NUP155: variants seen among roughly 807,000 people sequenced by gnomAD.
NUP155 encodes nuclear pore complex protein Nup155.
In NUP155, 71 loss-of-function variants were observed where a neutral mutation model predicts 180.4. The observed-to-expected ratio is 0.39, with a 90% CI of 0.33 to 0.48. The LOEUF is 0.48. NUP155 is among the 20% of genes least tolerant of loss of function. NUP155 has a pLI of 0.91. For missense variants in NUP155, 1,553 were observed against 1,648.9 expected (o/e 0.94, Z 1.01); for synonymous variants, 582 against 559.5 (o/e 1.04, Z -0.57).
chr5:37,303,502 CT>C, intron 27 of NUP155, 88 bp from the exon 28 acceptor site: 1 of 1,116,832 alleles, frequency 9.0e-7, no homozygotes, highest in Non-Finnish European at 1.3e-6. Flanking sequence ...TTTAAGTCAA[CT>C]ACAACTTTGC....
intron 4 of NUP155, among the ~76,000 whole-genome samples, chr5:37,356,901 A>C (rs921877381): frequency 7.2e-5 from 11 of 152,200 alleles, no homozygotes; most frequent in Admixed American, 3.3e-4. Flanking sequence ...TGAGGTCAAC[A>C]GTTCAAAACC....
At chr5:37,367,047 CT>C (rs113667703) in intron 1 of NUP155, among the ~76,000 whole-genome samples, 7,548 of 144,082 alleles carry the variant, frequency 0.052, 660 homozygotes, top group African/African-American at 0.18. Flanking sequence ...CTCTTTTTCT[CT>C]TTTTTTTTTT....
chr5:37,295,467 AC>A lies in NUP155; in HGVS notation c.3794-1003del, dbSNP rs1376763220. On this transcript the variant is annotated intron_variant, in intron 32 of 34. Coordinates refer to ENST00000231498, the MANE Select transcript of NUP155 (RefSeq NM_153485.3). The stretch of plus-strand genomic sequence containing the variant: ...AGATTGCAGCCTCTGCCCGGCCGCC[AC>A]CCTGTCTGGGAAGTGAGGAGCGTCT... Among the ~76,000 whole-genome samples, 3 of 150,838 alleles carry A rather than the reference AC, an allele frequency of 2.0e-5. No homozygotes were observed. The East Asian group carries it at 5.9e-4, about 30-fold the overall frequency.
chr5:37,314,709 G>A (rs1182246371), intron 21 of NUP155, among the ~76,000 whole-genome samples: 1 of 152,080 alleles, frequency 6.6e-6, no homozygotes, highest in Admixed American at 6.6e-5. Context: ...GGGGGATGGC[G>A]GGTGCCTGTA....
At position 37,292,857 on chromosome 5, in the gene NUP155, C is replaced by T. The variant is rs756342737; in HGVS notation, c.4037+22G>A. The T allele has an allele frequency of 1.0e-5, 15 of 1,474,160 alleles. No individual in the cohort carries two copies. The South Asian group carries it at 1.7e-4, about 17-fold the overall frequency. The allele number at this position is 1,474,160 out of a possible 1,614,324, so 91.3% of individuals were successfully genotyped here. On this transcript the variant is annotated intron_variant, in intron 34 of 34. Transcript: ENST00000231498. ...GAAGCATTTAAAAGCTTTTGCTGAT[C>T]CAATATTTAATTCATAAGTACCTTT...
At chr5:37,355,968 T>G (rs1475526654) in intron 4 of NUP155, among the ~76,000 whole-genome samples, 14 of 151,434 alleles carry the variant, frequency 9.2e-5, no homozygotes, top group Admixed American at 9.2e-4. Context: ...GTGGCTCACG[T>G]CTGTAATCCC....
intron 12 of NUP155, among the ~76,000 whole-genome samples, chr5:37,334,903 T>A (rs899246730): frequency 2.6e-5 from 4 of 152,136 alleles, no homozygotes; most frequent in African/African-American, 4.8e-5. Flanking sequence ...CTCACGCCTA[T>A]AATCCCAGCA....
At chr5:37,310,030 A>C (rs996370115) in intron 23 of NUP155, among the ~76,000 whole-genome samples, 1 of 151,824 alleles carries the variant, frequency 6.6e-6, no homozygotes, top group Non-Finnish European at 1.5e-5. Flanking sequence ...AAAAGAGAGA[A>C]TATTCTTTAT....
At chr5:37,350,064 T>G (rs542414694) in intron 7 of NUP155, 96 bp downstream of exon 7, 1 of 866,068 alleles carries the variant, frequency 1.2e-6, no homozygotes, top group East Asian at 2.5e-5. Context: ...CATAACAAAT[T>G]GTTTCAATTA....
chr5:37,344,038 C>G (rs1745916899), intron 9 of NUP155, among the ~76,000 whole-genome samples: 1 of 152,064 alleles, frequency 6.6e-6, no homozygotes, highest in Non-Finnish European at 1.5e-5. Context: ...CTATGTAATA[C>G]TGGCTAAAAG....
intron 1 of NUP155, among the ~76,000 whole-genome samples, chr5:37,367,047 CTT>C (rs113667703): frequency 4.9e-5 from 7 of 144,218 alleles, no homozygotes; most frequent in Non-Finnish European, 6.1e-5. Flanking sequence ...CTCTTTTTCT[CTT>C]TTTTTTTTTT....
Position 37,316,937 on chromosome 5 carries a change from C to T in NUP155, c.2305+1051G>A, listed in dbSNP as rs554530716. ...CAGCACTTTGGGAGGCTGAGGTGGG[C>T]GGATCATGAGGTCAGGAGATTGAGA... On this transcript the variant is annotated intron_variant, in intron 21 of 34. Coordinates refer to ENST00000231498, the MANE Select transcript of NUP155 (RefSeq NM_153485.3). Among the ~76,000 whole-genome samples, 46 of 149,598 alleles carry T rather than the reference C, an allele frequency of 3.1e-4. No homozygotes were observed. In the East Asian group the frequency reaches 7.7e-3, roughly 25 times the overall value.
chr5:37,341,695 C>T (rs573664559), intron 10 of NUP155, among the ~76,000 whole-genome samples: 17 of 152,168 alleles, frequency 1.1e-4, no homozygotes, highest in Admixed American at 2.6e-4. Flanking sequence ...TGCCTGCCAC[C>T]ATGTCTGGCT....
At chr5:37,294,245 A>G (rs1742396064) in intron 33 of NUP155, 84 bp downstream of exon 33, 3 of 948,688 alleles carry the variant, frequency 3.2e-6, no homozygotes, top group African/African-American at 1.6e-5. Flanking sequence ...GGATACAAAA[A>G]TGCAATCAAA....
intron 25 of NUP155, 149 bp from the exon 26 acceptor site, chr5:37,305,359 A>G: frequency 1.5e-6 from 1 of 681,926 alleles, no homozygotes; most frequent in East Asian, 2.7e-5. Flanking sequence ...AGCCAGGGCA[A>G]CAGAGCGGGA....
chr5:37,291,542 C>T lies in NUP155; in HGVS notation c.*358G>A, dbSNP rs1031460239. 4.4e-5 allele frequency: 9 copies of T among 204,960 alleles called. No homozygotes were observed. In the East Asian group the frequency reaches 1.0e-3, roughly 23 times the overall value. The allele number at this position is 204,960 out of a possible 1,614,324, so 12.7% of individuals were successfully genotyped here. A position where few individuals can be genotyped will look rare whatever the true frequency, so the allele number is the denominator to read the frequency against. On this transcript the variant is annotated 3_prime_UTR_variant, in exon 35 of 35. Transcript: ENST00000231498. ...ACAGGTGTAAGTCACTGTGCCTGGC[C>T]GCCTAGTGGAGTTTTAATGCCAATA...
At position 37,304,732 on chromosome 5, in the gene NUP155, G is replaced by C; in HGVS notation, c.3162+7C>G. On this transcript the variant is annotated splice_region_variant and intron_variant, in intron 27 of 34. Transcript: ENST00000231498. Reference sequence around the variant, plus strand: ...AATTAACACAACTGCAATAAAAAAAGATTTACCTGTAGCAGCTTATCTGCA... The same window carrying C: ...AATTAACACAACTGCAATAAAAAAACATTTACCTGTAGCAGCTTATCTGCA... The C allele has an allele frequency of 1.3e-6, 2 of 1,567,730 alleles. No homozygotes were observed. The highest frequency in any genetic ancestry group is 1.8e-6 in the Non-Finnish European group (2 of 1,138,300).
At position 37,291,689 on chromosome 5, in the gene NUP155, A is replaced by G. The variant is rs1157326867; in HGVS notation, c.*211T>C. 6.6e-6 allele frequency: 3 copies of G among 451,832 alleles called. No homozygotes were observed. The highest frequency in any genetic ancestry group is 4.0e-5 in the African/African-American group (2 of 49,746). 28.0% of individuals were successfully genotyped at this position (451,832 alleles called of 1,614,324 possible). A position where few individuals can be genotyped will look rare whatever the true frequency, so the allele number is the denominator to read the frequency against. The stretch of plus-strand genomic sequence containing the variant: ...TTAAAATAATAAATAATCTCATTTC[A>G]GTTGTTTTTTCACCCAATTACTAAA... On this transcript the variant is annotated 3_prime_UTR_variant, in exon 35 of 35. Coordinates refer to ENST00000231498, the MANE Select transcript of NUP155 (RefSeq NM_153485.3).
rs568657553 is a variant in NUP155, at chr5:37,342,024, T to G, written c.1093+525A>C. Among the ~76,000 whole-genome samples the G allele has an allele frequency of 2.6e-3, 397 of 152,320 alleles. 1 individual carries two copies. The highest frequency in any genetic ancestry group is 0.01 in the Middle Eastern group (3 of 292). ...ATGTCAGCCACTGCGCCTTTTAGGC[T>G]TGGCTTTTGTTTTGCTTTTTTACTG... On this transcript the variant is annotated intron_variant, in intron 10 of 34. Coordinates refer to ENST00000231498, the MANE Select transcript of NUP155 (RefSeq NM_153485.3).
Sources: gnomAD v4.1 joint callset for allele counts (sites outside exome capture counted in the v4.1 genomes callset) on GRCh38, gnomAD v4.1.1 for gene constraint, MANE v1.5 for transcripts, NCBI Gene and HGNC (gene_info 2026-07-23, HGNC 2026-07-21) for gene names.